Variants in CT45A1 observed in about 807,000 individuals in gnomAD.
CT45A1 encodes the protein cancer/testis antigen 45-1.
At chrX:135,713,852 C>T (rs2087955201) in intron 1 of CT45A1, among the ~76,000 whole-genome samples, 162 bp downstream of exon 1, 2 of 110,859 alleles carry the variant, frequency 1.8e-5, no homozygotes, top group Admixed American at 1.9e-4. Context: ...GGGGACACCG[C>T]CATGGGCGCC....
chrX:135,714,866 T>A (rs2087965508), intron 1 of CT45A1, among the ~76,000 whole-genome samples: 1 of 106,490 alleles, frequency 9.4e-6, no homozygotes, highest in South Asian at 4.2e-4. Context: ...CCATTTTATG[T>A]GTTTATTGGT....
chrX:135,710,721 G>C (rs1437201648), upstream of CT45A1, among the ~76,000 whole-genome samples: 2 of 112,523 alleles, frequency 1.8e-5, no homozygotes, highest in Non-Finnish European at 3.8e-5. Flanking sequence ...TAATTAATAT[G>C]TAGATAATAA....
At chrX:135,717,810 A>C (rs1264967519) in intron 1 of CT45A1, among the ~76,000 whole-genome samples, 1 of 111,898 alleles carries the variant, frequency 8.9e-6, no homozygotes, top group Non-Finnish European at 1.9e-5. Context: ...AAATTTGCTT[A>C]TTAACTGTAA....
chrX:135,715,449 ATATATATAATACT>A (rs1276673091), intron 1 of CT45A1, among the ~76,000 whole-genome samples: 28 of 81,196 alleles, frequency 3.4e-4, no homozygotes, highest in African/African-American at 9.5e-4. Context: ...TATAATACTT[ATATATATAATACT>A]TATATATAAT....
At chrX:135,715,339 AT>A (rs2087973388) in intron 1 of CT45A1, among the ~76,000 whole-genome samples, 1 of 36,393 alleles carries the variant, frequency 2.7e-5, no homozygotes. Context: ...TATATTATAT[AT>A]ATATAATACT....
At chrX:135,709,189 G>C (rs782532443), upstream of CT45A1, among the ~76,000 whole-genome samples, 3 of 112,361 alleles carry the variant, frequency 2.7e-5, no homozygotes, top group Non-Finnish European at 1.9e-5. Flanking sequence ...TTTATGGTCC[G>C]ATCTCGGCTC....
intron 1 of CT45A1, among the ~76,000 whole-genome samples, chrX:135,715,161 A>G (rs1280943975): frequency 1.3e-4 from 13 of 97,574 alleles, no homozygotes; most frequent in Admixed American, 2.5e-4. Context: ...GCTTTTTATT[A>G]TTTAAGAAAC....
At chrX:135,714,244 A>ATGTC (rs1401500700) in intron 1 of CT45A1, among the ~76,000 whole-genome samples, 1 of 108,036 alleles carries the variant, frequency 9.3e-6, no homozygotes, top group Non-Finnish European at 1.9e-5. Flanking sequence ...TTGCCCTTGG[A>ATGTC]TGTCGCTCAC....
chrX:135,719,546 T>TC (rs1174748854), intron 2 of CT45A1, among the ~76,000 whole-genome samples: 2 of 90,212 alleles, frequency 2.2e-5, no homozygotes, highest in African/African-American at 4.0e-5. Flanking sequence ...GGTCTGGAAC[T>TC]CCCCCCCTCA....
upstream of CT45A1, among the ~76,000 whole-genome samples, chrX:135,712,673 G>A (rs1361023697): frequency 9.1e-6 from 1 of 110,197 alleles, no homozygotes; most frequent in Non-Finnish European, 1.9e-5. Flanking sequence ...TGGGACTACA[G>A]GTGCGCGCCC....
chrX:135,716,665 A>T (rs1556571651), intron 1 of CT45A1, among the ~76,000 whole-genome samples: 1 of 111,338 alleles, frequency 9.0e-6, no homozygotes, highest in African/African-American at 3.3e-5. Flanking sequence ...TTTCCATTTA[A>T]TTATGTCTAA....
At chrX:135,715,333 T>TAA (rs2087972897) in intron 1 of CT45A1, among the ~76,000 whole-genome samples, 2 of 58,871 alleles carry the variant, frequency 3.4e-5, no homozygotes, top group African/African-American at 1.2e-4. Context: ...TACTTATATA[T>TAA]TATATATATA....
chrX:135,715,335 A>ATATATATATAATACTTATATATAATACT (rs2087973154), intron 1 of CT45A1, among the ~76,000 whole-genome samples: 1 of 35,258 alleles, frequency 2.8e-5, no homozygotes, highest in Non-Finnish European at 4.8e-5. Flanking sequence ...CTTATATATT[A>ATATATATATAATACTTATATATAATACT]TATATATATA....
At chrX:135,717,345 T>C (rs1181198025) in intron 1 of CT45A1, among the ~76,000 whole-genome samples, 1 of 111,724 alleles carries the variant, frequency 9.0e-6, no homozygotes, top group Admixed American at 9.6e-5. Context: ...AGCCAGGAGT[T>C]TGAGACCAGT....
chrX:135,712,690 C>T (rs186442519), upstream of CT45A1, among the ~76,000 whole-genome samples: 1,229 of 109,195 alleles, frequency 0.011, 13 homozygotes, highest in African/African-American at 0.039. Context: ...GCCCCACGCC[C>T]GGTTAATTTT....
At chrX:135,715,045 T>G (rs1194786786) in intron 1 of CT45A1, among the ~76,000 whole-genome samples, 1 of 106,395 alleles carries the variant, frequency 9.4e-6, no homozygotes, top group Non-Finnish European at 1.9e-5. Flanking sequence ...GTATACAATT[T>G]TAGTATCTTC....
upstream of CT45A1, among the ~76,000 whole-genome samples, chrX:135,713,268 T>C (rs1402607696): frequency 2.9e-5 from 3 of 104,849 alleles, no homozygotes; most frequent in Admixed American, 1.1e-4. Context: ...GGTCTCACTA[T>C]GTTACCCAGG....
At chrX:135,716,622 C>A (rs1404740708) in intron 1 of CT45A1, among the ~76,000 whole-genome samples, 4 of 110,969 alleles carry the variant, frequency 3.6e-5, no homozygotes, top group African/African-American at 1.3e-4. Context: ...TTTGGTTTTT[C>A]ACCTCTTAAT....
At chrX:135,718,442 C>T (rs1280553860) in intron 1 of CT45A1, among the ~76,000 whole-genome samples, 2 of 109,676 alleles carry the variant, frequency 1.8e-5, no homozygotes, top group African/African-American at 6.6e-5. Context: ...ATAAGAGTTC[C>T]TAATAAGGGT....
Sources: allele counts gnomAD v4.1 joint callset (sites outside exome capture counted in the v4.1 genomes callset), GRCh38; gene constraint gnomAD v4.1.1; transcripts MANE v1.5; gene names NCBI Gene and HGNC (gene_info 2026-07-23, HGNC 2026-07-21).